Variants in CSMD3 observed in about 807,000 individuals in gnomAD.
The protein encoded by CSMD3 is CUB and Sushi multiple domains 3, also known as CUB and sushi domain-containing protein 3.
A neutral mutation model predicts 435.2 loss-of-function variants in CSMD3; 177 were observed. The ratio of observed to expected loss-of-function variants is 0.41; its 90% CI spans 0.36 to 0.46. The LOEUF is 0.46. Ranked by LOEUF, CSMD3 falls within the 20% of genes least tolerant of loss-of-function variation. The pLI, the probability that CSMD3 is intolerant of heterozygous loss-of-function variation, is 0.34. For synonymous variants in CSMD3, 1,656 were observed against 1,520.5 expected, an observed-to-expected ratio of 1.09 and a Z score of -2.07; for missense variants, 4,265 against 4,504.6, an observed-to-expected ratio of 0.95 and a Z score of 1.52.
chr8:112,416,225 A>G (rs1285752523), intron 32 of CSMD3, among the ~76,000 whole-genome samples: 1 of 152,160 alleles, frequency 6.6e-6, no homozygotes, highest in Non-Finnish European at 1.5e-5. Flanking sequence ...AGCTGTTGTC[A>G]TGATAGTGAG....
intron 1 of CSMD3, among the ~76,000 whole-genome samples, chr8:113,350,719 TCAAGTCACAGCCTAC>T (rs2132909260): frequency 6.6e-6 from 1 of 152,220 alleles, no homozygotes; most frequent in Admixed American, 6.6e-5. Flanking sequence ...GTAGATAGAA[TCAAGTCACAGCCTAC>T]CTAATATTCT....
At position 113,311,480 on chromosome 8, in the gene CSMD3, G is replaced by T. The variant is rs140472162; in HGVS notation, c.401+3091C>A. Reference sequence around the variant, plus strand: ...AGAAGCCATTTTTAAAAAATCTATTGGAGCTCATGAAAAGTAAAAAAAATA... The same window carrying T: ...AGAAGCCATTTTTAAAAAATCTATTTGAGCTCATGAAAAGTAAAAAAAATA... On this transcript the variant is annotated intron_variant, in intron 2 of 70. Transcript: ENST00000297405. 85 of 151,786 alleles carry T rather than the reference G, an allele frequency of 5.6e-4. 1 individual carries two copies. Among genetic ancestry groups the T allele is most frequent in the African/African-American group, 1.2e-3 (50 of 41,408 alleles). 9.4% of individuals were successfully genotyped at this position (151,786 alleles called of 1,614,324 possible). A position where few individuals can be genotyped will look rare whatever the true frequency, so the allele number is the denominator to read the frequency against.
intron 18 of CSMD3, among the ~76,000 whole-genome samples, chr8:112,653,312 C>G (rs1176519800): frequency 6.6e-6 from 1 of 152,074 alleles, no homozygotes; most frequent in Non-Finnish European, 1.5e-5. Context: ...GTTTCTGTTT[C>G]TACTACTCCT....
rs35890606 is a variant in CSMD3, at chr8:113,030,417, TAAAAAAAA to T, written c.918-11246_918-11239del. ...AGTCACCAAAACACTTTGGTACTGG[TAAAAAAAA>T]AAAAAAAAAAAAAAAAAAAAGATAA... On this transcript the variant is annotated intron_variant, in intron 5 of 70. Transcript: ENST00000297405. Among the ~76,000 whole-genome samples, 8 of 24,360 alleles carry T rather than the reference TAAAAAAAA, an allele frequency of 3.3e-4. 1 individual carries two copies. The highest frequency in any genetic ancestry group is 1.5e-3 in the African/African-American group (7 of 4,566). 16.0% of individuals were successfully genotyped at this position (24,360 alleles called of 152,430 possible).
intron 13 of CSMD3, among the ~76,000 whole-genome samples, chr8:112,795,018 T>A (rs1052391337): frequency 6.6e-6 from 1 of 152,282 alleles, no homozygotes; most frequent in Middle Eastern, 3.4e-3. Context: ...TATTTACTTT[T>A]AAGTAAAAAC....
At chr8:112,240,025 C>T (rs901040429) in intron 66 of CSMD3, among the ~76,000 whole-genome samples, 1 of 151,924 alleles carries the variant, frequency 6.6e-6, no homozygotes, top group Non-Finnish European at 1.5e-5. Flanking sequence ...CTTTCCTTTT[C>T]TTATAGCCCT....
chr8:112,825,592 G>C (rs2079654738), intron 12 of CSMD3, among the ~76,000 whole-genome samples: 1 of 152,102 alleles, frequency 6.6e-6, no homozygotes, highest in African/African-American at 2.4e-5. Flanking sequence ...TCCATCTTCT[G>C]TAAGGCTGCT....
At chr8:112,537,592 T>C (rs1331432821) in intron 27 of CSMD3, among the ~76,000 whole-genome samples, 3 of 151,880 alleles carry the variant, frequency 2.0e-5, no homozygotes, top group Non-Finnish European at 4.4e-5. Context: ...TTAGAGACTA[T>C]TATGAAGAAG....
chr8:112,926,238 A>ATGTGTG (rs1554720557), intron 9 of CSMD3, among the ~76,000 whole-genome samples: 1 of 58,984 alleles, frequency 1.7e-5, no homozygotes, highest in East Asian at 1.1e-3. Flanking sequence ...CACTCATTAA[A>ATGTGTG]TATGTGTGTG....
intron 13 of CSMD3, among the ~76,000 whole-genome samples, chr8:112,721,412 T>C (rs2076854730): frequency 6.6e-6 from 1 of 151,928 alleles, no homozygotes; most frequent in South Asian, 2.1e-4. Context: ...CTGTCTCTAC[T>C]AAAAATACAA....
intron 3 of CSMD3, among the ~76,000 whole-genome samples, chr8:113,227,946 A>C (rs1005032389): frequency 3.3e-5 from 5 of 151,622 alleles, no homozygotes; most frequent in African/African-American, 1.2e-4. Flanking sequence ...TATCAAGATG[A>C]CTAAAGATCA....
At chr8:112,254,501 G>A (rs886352334) in intron 62 of CSMD3, among the ~76,000 whole-genome samples, 175 bp from the exon 63 acceptor site, 1 of 152,000 alleles carries the variant, frequency 6.6e-6, no homozygotes, top group Non-Finnish European at 1.5e-5. Flanking sequence ...CTTGAAGCAA[G>A]AAAGTCAGGT....
chr8:112,681,096 G>A (rs1348392360), intron 16 of CSMD3, among the ~76,000 whole-genome samples: 3 of 150,016 alleles, frequency 2.0e-5, no homozygotes, highest in Non-Finnish European at 3.0e-5. Context: ...GTGCAGTGGC[G>A]CGATCTCAGC....
intron 12 of CSMD3, among the ~76,000 whole-genome samples, chr8:112,819,467 T>C (rs1402670756): frequency 1.3e-5 from 2 of 152,156 alleles, no homozygotes; most frequent in Non-Finnish European, 2.9e-5. Context: ...TCCAGGTAAT[T>C]CTGCTATCAC....
At chr8:112,446,424 TA>T (rs1586351847) in intron 32 of CSMD3, among the ~76,000 whole-genome samples, 1 of 152,218 alleles carries the variant, frequency 6.6e-6, no homozygotes, top group African/African-American at 2.4e-5. Flanking sequence ...TAAATGCACA[TA>T]AGAATTTTTA....
rs972340068 is a variant in CSMD3, at chr8:112,954,805, T to A, written c.1343-44A>T. 4.3e-6 allele frequency: 5 copies of A among 1,168,426 alleles called. No individual in the cohort carries two copies. The African/African-American group carries it at 7.6e-5, about 18-fold the overall frequency. 72.4% of individuals were successfully genotyped at this position (1,168,426 alleles called of 1,614,324 possible). Reference sequence around the variant, plus strand: ...AAAAACATGTATCAGGAAATACAATTTTAAAATGAAATTCAAGTTAACAAA... The same window carrying A: ...AAAAACATGTATCAGGAAATACAATATTAAAATGAAATTCAAGTTAACAAA... On this transcript the variant is annotated intron_variant, in intron 7 of 70. Transcript: ENST00000297405.
intron 59 of CSMD3, among the ~76,000 whole-genome samples, chr8:112,276,774 T>C (rs1479897525): frequency 1.3e-5 from 2 of 152,188 alleles, no homozygotes; most frequent in Non-Finnish European, 2.9e-5. Flanking sequence ...TCTAGGTAGA[T>C]GTTCCAAAAC....
At chr8:113,378,504 T>C (rs1471043048) in intron 1 of CSMD3, among the ~76,000 whole-genome samples, 1 of 152,204 alleles carries the variant, frequency 6.6e-6, no homozygotes, top group Non-Finnish European at 1.5e-5. Flanking sequence ...ATAGGGTAGA[T>C]AGTAGTTTTA....
intron 27 of CSMD3, among the ~76,000 whole-genome samples, chr8:112,528,872 C>T (rs1045211173): frequency 2.6e-5 from 4 of 152,018 alleles, no homozygotes; most frequent in Admixed American, 2.6e-4. Flanking sequence ...CCCAACCATT[C>T]CAAGAGGACT....
Sources: allele counts gnomAD v4.1 joint callset (sites outside exome capture counted in the v4.1 genomes callset), GRCh38; gene constraint gnomAD v4.1.1; transcripts MANE v1.5; gene names NCBI Gene and HGNC (gene_info 2026-07-23, HGNC 2026-07-21).